The following RSF1 variants were observed in gnomAD, a reference collection of about 807,000 sequenced individuals.
RSF1 encodes HBV pX-associated protein 8.
A neutral mutation model predicts 145.2 loss-of-function variants in RSF1; 13 were observed. That is an observed-to-expected ratio of 0.09 (90% CI 0.06 to 0.14). RSF1 has a LOEUF of 0.14. Ranked by LOEUF, RSF1 falls within the 10% of genes least tolerant of loss-of-function variation. The pLI is 1.00. For synonymous variants in RSF1, 577 were observed against 592.6 expected (o/e 0.97, Z 0.38); for missense variants, 1,517 against 1,718.2 (o/e 0.88, Z 2.07).
chr11:77,810,865 C>G (rs1469158759), intron 1 of RSF1, among the ~76,000 whole-genome samples: 1 of 152,120 alleles, frequency 6.6e-6, no homozygotes, highest in African/African-American at 2.4e-5. Context: ...GAATAAAGAT[C>G]AGTAAATTTT....
intron 1 of RSF1, among the ~76,000 whole-genome samples, chr11:77,779,805 G>A (rs1565178254): frequency 6.6e-6 from 1 of 152,188 alleles, no homozygotes; most frequent in African/African-American, 2.4e-5. Flanking sequence ...CTCATGTAAT[G>A]AGAAGTCCAG....
chr11:77,768,006 T>C (rs912076185), intron 1 of RSF1, among the ~76,000 whole-genome samples: 11 of 152,212 alleles, frequency 7.2e-5, no homozygotes, highest in Admixed American at 1.3e-4. Context: ...CTGGCTCTTC[T>C]ACAGTCAGCA....
At chr11:77,810,056 C>A (rs1179312131) in intron 1 of RSF1, among the ~76,000 whole-genome samples, 2 of 152,200 alleles carry the variant, frequency 1.3e-5, no homozygotes, top group African/African-American at 4.8e-5. Flanking sequence ...GGCATTTAAT[C>A]CCACTTACTA....
chr11:77,801,555 G>T (rs1325461062), intron 1 of RSF1, among the ~76,000 whole-genome samples: 4 of 152,120 alleles, frequency 2.6e-5, no homozygotes, highest in African/African-American at 9.7e-5. Context: ...GTGCTCTTTG[G>T]ACCTGGTTCC....
intron 1 of RSF1, among the ~76,000 whole-genome samples, chr11:77,803,672 A>G (rs1372722380): frequency 6.6e-6 from 1 of 151,914 alleles, no homozygotes; most frequent in Non-Finnish European, 1.5e-5. Flanking sequence ...CCAGGTACAC[A>G]GGAGGCTGAG....
intron 11 of RSF1, among the ~76,000 whole-genome samples, chr11:77,679,910 G>A (rs1959813167): frequency 6.6e-6 from 1 of 152,134 alleles, no homozygotes; most frequent in Non-Finnish European, 1.5e-5. Flanking sequence ...AAAGGATGAA[G>A]TAACTTGTTT....
intron 1 of RSF1, among the ~76,000 whole-genome samples, chr11:77,794,192 A>G (rs976820776): frequency 6.6e-6 from 1 of 152,238 alleles, no homozygotes; most frequent in Non-Finnish European, 1.5e-5. Flanking sequence ...TGGACCTTAC[A>G]GATACATACC....
chr11:77,759,923 AT>A (rs1314435661), intron 2 of RSF1, among the ~76,000 whole-genome samples: 2 of 151,540 alleles, frequency 1.3e-5, no homozygotes, highest in Non-Finnish European at 2.9e-5. Context: ...TATTATCATT[AT>A]TATTAAAAAG....
Position 77,667,304 on chromosome 11 carries a change from A to G in RSF1, c.3939T>C (p.Asn1313=), listed in dbSNP as rs748857675. 20 of 1,613,962 alleles carry G rather than the reference A, an allele frequency of 1.2e-5. No homozygotes were observed. The highest frequency in any genetic ancestry group is 1.7e-5 in the Non-Finnish European group (20 of 1,180,022). The change falls in exon 16 of 16, where the codon AAT becomes AAC. Residue 1313 remains asparagine (N), a synonymous_variant. Coordinates refer to ENST00000308488, the MANE Select transcript of RSF1 (RefSeq NM_016578.4). The part of the protein sequence containing the change: ...IETDEEESCD[N]AHGDANQPAR... ...CAGGCTGATTTGCATCTCCATGAGCATTGTCACAACTCTCCTCCTCATCCG... is the reference window on the plus strand; with the variant it reads ...CAGGCTGATTTGCATCTCCATGAGCGTTGTCACAACTCTCCTCCTCATCCG...
chr11:77,777,011 T>G (rs499668), intron 1 of RSF1, among the ~76,000 whole-genome samples: 2 of 152,008 alleles, frequency 1.3e-5, no homozygotes, highest in South Asian at 2.1e-4. Context: ...AACCATTTTT[T>G]AAAAAAACAA....
chr11:77,808,082 C>T (rs1241746488), intron 1 of RSF1, among the ~76,000 whole-genome samples: 1 of 151,892 alleles, frequency 6.6e-6, no homozygotes, highest in South Asian at 2.1e-4. Flanking sequence ...ACCTGTAATC[C>T]CAGCACTTTG....
At chr11:77,794,273 T>C (rs928149249) in intron 1 of RSF1, among the ~76,000 whole-genome samples, 1 of 152,212 alleles carries the variant, frequency 6.6e-6, no homozygotes, top group Non-Finnish European at 1.5e-5. Flanking sequence ...CAGGAAGTGT[T>C]AGTCCACAAA....
the RSF1 span, among the ~76,000 whole-genome samples, chr11:77,865,286 TTCTC>T: frequency 6.6e-6 from 1 of 152,220 alleles, no homozygotes; most frequent in Non-Finnish European, 1.5e-5. Context: ...AGAAGTGTCT[TTCTC>T]TCATAAATTA....
At chr11:77,775,472 A>G (rs1948332993) in intron 1 of RSF1, among the ~76,000 whole-genome samples, 1 of 152,128 alleles carries the variant, frequency 6.6e-6, no homozygotes, top group Admixed American at 6.5e-5. Context: ...TCTCCCTTTT[A>G]AGGGGAGGAA....
At chr11:77,840,034 A>T in the RSF1 span, among the ~76,000 whole-genome samples, 1 of 152,042 alleles carries the variant, frequency 6.6e-6, no homozygotes, top group African/African-American at 2.4e-5. Flanking sequence ...AAGCAAAATA[A>T]AGACCAGGGT....
chr11:77,684,897 G>A (rs1959962830), intron 10 of RSF1, among the ~76,000 whole-genome samples: 2 of 152,106 alleles, frequency 1.3e-5, no homozygotes, highest in African/African-American at 4.8e-5. Context: ...TGAGGCAGGA[G>A]AATTGCTTGA....
intron 4 of RSF1, among the ~76,000 whole-genome samples, chr11:77,732,218 C>T (rs1027325982): frequency 3.9e-5 from 6 of 152,236 alleles, no homozygotes; most frequent in Non-Finnish European, 8.8e-5. Flanking sequence ...GGATTTCGGA[C>T]TTGCATGGGG....
At chr11:77,677,179 C>T (rs987775521) in intron 12 of RSF1, 180 bp from the exon 13 acceptor site, 2 of 591,832 alleles carry the variant, frequency 3.4e-6, no homozygotes, top group Non-Finnish European at 5.9e-6. Context: ...TTTTAGCATT[C>T]GTTTACCCTA....
intron 7 of RSF1, among the ~76,000 whole-genome samples, chr11:77,696,539 A>G (rs1246615081): frequency 1.3e-5 from 2 of 149,934 alleles, no homozygotes; most frequent in African/African-American, 5.0e-5. Flanking sequence ...CATTCACAAT[A>G]TAATTTCTGC....
Sources: gnomAD v4.1 joint callset for allele counts (sites outside exome capture counted in the v4.1 genomes callset) on GRCh38, gnomAD v4.1.1 for gene constraint, MANE v1.5 for transcripts, NCBI Gene and HGNC (gene_info 2026-07-23, HGNC 2026-07-21) for gene names.